AHRR: variants seen among roughly 807,000 people sequenced by gnomAD.
The protein encoded by AHRR is aryl hydrocarbon receptor repressor, also known as ahR repressor.
In AHRR, 28 loss-of-function variants were observed where a neutral mutation model predicts 44.0. That is an observed-to-expected ratio of 0.64 (90% CI 0.47 to 0.87). AHRR has a LOEUF of 0.87. Among genes scored for constraint, AHRR ranks in the 40% least tolerant of loss-of-function variants. The pLI, the probability that AHRR is intolerant of heterozygous loss-of-function variation, is 0.00. For synonymous variants in AHRR, 434 were observed against 407.0 expected, an observed-to-expected ratio of 1.07 and a Z score of -0.80; for missense variants, 990 against 953.9, an observed-to-expected ratio of 1.04 and a Z score of -0.50.
At position 436,307 on chromosome 5, in the gene AHRR, GCCT is replaced by G. The variant is rs1737061526; in HGVS notation, c.*1477_*1479del. On this transcript the variant is annotated 3_prime_UTR_variant, in exon 11 of 11. Coordinates refer to ENST00000684583, the MANE Select transcript of AHRR (RefSeq NM_001377236.1). Reference sequence around the variant, plus strand: ...ACCACCCCGCCGCACTGTGCATTCTGCCTCCTGTGTGGACGCCCTCTCTGTTGT... The same window carrying G: ...ACCACCCCGCCGCACTGTGCATTCTGCCTGTGTGGACGCCCTCTCTGTTGT... 1 of 149,098 alleles carries G rather than the reference GCCT, an allele frequency of 6.7e-6. No individual in the cohort carries two copies. The highest frequency in any genetic ancestry group is 2.5e-5 in the African/African-American group (1 of 39,452). 9.2% of individuals were successfully genotyped at this position (149,098 alleles called of 1,614,324 possible).
Position 405,428 on chromosome 5 carries a change from C to T in AHRR, c.352-7916C>T, listed in dbSNP as rs970293037. On this transcript the variant is annotated intron_variant, in intron 4 of 10. Coordinates refer to ENST00000684583, the MANE Select transcript of AHRR (RefSeq NM_001377236.1). This position sits in a 1 kb window ranked among gnomAD's most constrained non-coding sequence, Gnocchi z 4.5. Reference sequence around the variant, plus strand: ...ATAAAGCATTGGCCTATTTTGTCACCGTGGAGCAGCCTATGGTGTTGCCCG... The same window carrying T: ...ATAAAGCATTGGCCTATTTTGTCACTGTGGAGCAGCCTATGGTGTTGCCCG... Among the ~76,000 whole-genome samples, 3 of 152,174 alleles carry T rather than the reference C, an allele frequency of 2.0e-5. No individual in the cohort carries two copies. Among genetic ancestry groups the T allele is most frequent in the Non-Finnish European group, 2.9e-5 (2 of 68,036 alleles).
chr5:435,671 G>A lies in AHRR; in HGVS notation c.*837G>A, dbSNP rs1053457427. ...GTAATACAGAGTTCACAGACTCCGG[G>A]TTTGGAAGTACAGAGAAACACACAA... On this transcript the variant is annotated 3_prime_UTR_variant, in exon 11 of 11. Coordinates refer to ENST00000684583, the MANE Select transcript of AHRR (RefSeq NM_001377236.1). 6.6e-6 allele frequency: 1 copy of A among 152,316 alleles called. No individual in the cohort carries two copies. Among genetic ancestry groups the A allele is most frequent in the Non-Finnish European group, 1.5e-5 (1 of 68,044 alleles). The allele number at this position is 152,316 out of a possible 1,614,324, so 9.4% of individuals were successfully genotyped here.
intron 4 of AHRR, among the ~76,000 whole-genome samples, chr5:377,280 G>A (rs1234399960): frequency 6.6e-6 from 1 of 152,156 alleles, no homozygotes; most frequent in African/African-American, 2.4e-5. Context: ...GGAGACTGTG[G>A]ACCATTTTCC....
At chr5:360,584 G>A (rs1024370325) in intron 3 of AHRR, among the ~76,000 whole-genome samples, 3 of 152,218 alleles carry the variant, frequency 2.0e-5, no homozygotes, top group African/African-American at 4.8e-5. Context: ...GCTCAGAGAG[G>A]AGAGCATTGT....
chr5:390,401 C>T (rs1490696759), intron 4 of AHRR, among the ~76,000 whole-genome samples: 1 of 152,100 alleles, frequency 6.6e-6, no homozygotes, highest in Non-Finnish European at 1.5e-5. Context: ...TCCTCGGAGA[C>T]CAGTGAAAGC....
rs1274373675 is a variant in AHRR at position 411,162 on chromosome 5, A to AT, written c.352-2176dup. ...TCATGGATTTTTGACTCTTACCTTT[A>AT]TTTTTTCTTTCCTTTTACTTACCTT... On this transcript the variant is annotated intron_variant, in intron 4 of 10. Transcript: ENST00000684583. The surrounding 1 kb of genome is among the most constrained non-coding windows in gnomAD (Gnocchi z 4.2). 6.6e-6 allele frequency among the ~76,000 whole-genome samples: 1 copy of AT among 150,974 alleles called. No homozygotes were observed. The highest frequency in any genetic ancestry group is 2.4e-5 in the African/African-American group (1 of 41,016).
intron 4 of AHRR, among the ~76,000 whole-genome samples, chr5:392,719 G>A (rs1734524376): frequency 6.6e-6 from 1 of 152,190 alleles, no homozygotes; most frequent in Non-Finnish European, 1.5e-5. Context: ...TTTCGGTGGA[G>A]GCTTGCATGC....
chr5:389,189 T>G (rs1579652756), intron 4 of AHRR, among the ~76,000 whole-genome samples: 5 of 46,876 alleles, frequency 1.1e-4, no homozygotes, highest in Non-Finnish European at 1.3e-4. Flanking sequence ...GTTGTGGGGG[T>G]GTCGAAGGCG....
intron 1 of AHRR, among the ~76,000 whole-genome samples, chr5:323,456 T>G (rs1213057552): frequency 1.3e-5 from 2 of 152,248 alleles, no homozygotes; most frequent in Non-Finnish European, 2.9e-5. Flanking sequence ...TATGCTCAGG[T>G]GACCACCTGA....
At chr5:377,422 T>G (rs980166539) in intron 4 of AHRR, among the ~76,000 whole-genome samples, 3 of 151,898 alleles carry the variant, frequency 2.0e-5, no homozygotes, top group African/African-American at 7.3e-5. Flanking sequence ...TGGGGTTGAG[T>G]GGGCTTGCAG....
chr5:371,883 C>T (rs1743592463), intron 3 of AHRR, among the ~76,000 whole-genome samples: 1 of 152,196 alleles, frequency 6.6e-6, no homozygotes, highest in Non-Finnish European at 1.5e-5. Context: ...AACGAGGATG[C>T]TTAGGGTCGA....
chr5:417,504 C>T (rs1351126574), intron 5 of AHRR, among the ~76,000 whole-genome samples: 1 of 152,230 alleles, frequency 6.6e-6, no homozygotes, highest in African/African-American at 2.4e-5. Context: ...CTTCTGCATG[C>T]TCAGAATCAC....
At chr5:392,433 AG>A (rs1305037330) in intron 4 of AHRR, among the ~76,000 whole-genome samples, 1 of 148,236 alleles carries the variant, frequency 6.7e-6, no homozygotes, top group African/African-American at 2.5e-5. Flanking sequence ...ACACGGGTGC[AG>A]GGCGAGGCAG....
At chr5:403,140 C>T (rs952594519) in intron 4 of AHRR, among the ~76,000 whole-genome samples, 4 of 152,130 alleles carry the variant, frequency 2.6e-5, no homozygotes, top group Non-Finnish European at 5.9e-5. Flanking sequence ...GCTTGATTCG[C>T]TCAGATGAGG....
intron 3 of AHRR, among the ~76,000 whole-genome samples, chr5:374,195 G>A (rs2126437938): frequency 6.6e-6 from 1 of 152,198 alleles, no homozygotes; most frequent in Admixed American, 6.5e-5. Flanking sequence ...CCTCGGCGGG[G>A]AGCGCCCAGG....
chr5:376,791 C>G, intron 4 of AHRR, 75 bp downstream of exon 4: 3 of 1,310,306 alleles, frequency 2.3e-6, no homozygotes, highest in Non-Finnish European at 3.2e-6. Flanking sequence ...CTCAGTCATA[C>G]TCCGTGTCAC....
rs1443059502 is a variant in AHRR, at chr5:404,217, C to T, written c.352-9127C>T. 4 of 521,256 alleles carry T rather than the reference C, an allele frequency of 7.7e-6. No individual in the cohort carries two copies. The East Asian group carries it at 1.4e-4, about 18-fold the overall frequency. 32.3% of individuals were successfully genotyped at this position (521,256 alleles called of 1,614,324 possible). A position where few individuals can be genotyped will look rare whatever the true frequency, so the allele number is the denominator to read the frequency against. On this transcript the variant is annotated intron_variant, in intron 4 of 10. Coordinates refer to ENST00000684583, the MANE Select transcript of AHRR (RefSeq NM_001377236.1). The surrounding 1 kb of genome is among the most constrained non-coding windows in gnomAD (Gnocchi z 4.1). ...CAGCCTTTGAACCCGTCGCAGCTCT[C>T]GCTCATCCATGAGTCTAATCACATC... is the stretch of plus-strand genomic sequence containing the variant.
chr5:424,462 G>A (rs1736295667), intron 7 of AHRR, among the ~76,000 whole-genome samples: 2 of 151,926 alleles, frequency 1.3e-5, no homozygotes, highest in African/African-American at 2.4e-5. Flanking sequence ...ATGTGTCTCT[G>A]GTGGGTGGGA....
chr5:433,451 G>A (rs184739), intron 10 of AHRR, among the ~76,000 whole-genome samples: 140,608 of 152,280 alleles, frequency 0.92, 65,003 homozygotes, highest in African/African-American at 0.96. Context: ...TTGGTCAGCA[G>A]CAGAGCTTGG....
Sources: gnomAD v4.1 joint callset for allele counts (sites outside exome capture counted in the v4.1 genomes callset) on GRCh38, gnomAD v4.1.1 for gene constraint, Gnocchi (gnomAD v3.1) non-coding constraint, MANE v1.5 for transcripts, NCBI Gene and HGNC (gene_info 2026-07-23, HGNC 2026-07-21) for gene names.